The following FHIT variants were observed in gnomAD, a reference collection of about 807,000 sequenced individuals.
The protein encoded by FHIT is bis(5'-adenosyl)-triphosphatase.
FHIT carries 19 observed loss-of-function variants against 17.9 expected under a neutral mutation model. The ratio of observed to expected loss-of-function variants is 1.06; its 90% CI spans 0.74 to 1.56. The LOEUF (loss-of-function observed/expected upper bound fraction) is 1.56, where lower values mean the gene tolerates loss of function less well. FHIT is among the 40% of genes most tolerant of loss of function. The pLI is 0.00. For missense variants in FHIT, 248 were observed against 189.2 expected (o/e 1.31, Z -1.82); for synonymous variants, 81 against 69.7 (o/e 1.16, Z -0.81).
At chr3:59,938,252 C>A (rs2107257300) in intron 7 of FHIT, among the ~76,000 whole-genome samples, 1 of 152,244 alleles carries the variant, frequency 6.6e-6, no homozygotes, top group South Asian at 2.1e-4. Context: ...TTTGCACCAA[C>A]AAGGATGAAC....
intron 3 of FHIT, among the ~76,000 whole-genome samples, chr3:60,888,016 G>T (rs1188137303): frequency 6.6e-6 from 1 of 152,128 alleles, no homozygotes; most frequent in Non-Finnish European, 1.5e-5. Context: ...ATCCCTAAAA[G>T]ATTAAATGAT....
intron 5 of FHIT, among the ~76,000 whole-genome samples, chr3:60,405,966 T>C (rs1163372803): frequency 6.6e-6 from 1 of 152,200 alleles, no homozygotes; most frequent in East Asian, 1.9e-4. Context: ...TGTTAAGTGG[T>C]GAGGCTTAAG....
At chr3:61,228,009 C>T (rs1173390670) in intron 1 of FHIT, among the ~76,000 whole-genome samples, 5 of 152,210 alleles carry the variant, frequency 3.3e-5, no homozygotes, top group Non-Finnish European at 5.9e-5. Context: ...ATGACTTTAG[C>T]AGCTGCTCTA....
At chr3:61,082,728 C>G (rs1261199028) in intron 2 of FHIT, among the ~76,000 whole-genome samples, 1 of 152,194 alleles carries the variant, frequency 6.6e-6, no homozygotes, top group Admixed American at 6.5e-5. Context: ...TCATTTTAGT[C>G]ATTCAGATGA....
intron 2 of FHIT, among the ~76,000 whole-genome samples, chr3:61,160,299 A>G (rs1391380915): frequency 6.6e-6 from 1 of 151,652 alleles, no homozygotes; most frequent in Non-Finnish European, 1.5e-5. Flanking sequence ...CCAAGCTTTG[A>G]AAAACGTGCC....
intron 5 of FHIT, among the ~76,000 whole-genome samples, chr3:60,462,333 G>T (rs991267939): frequency 9.2e-5 from 14 of 152,092 alleles, no homozygotes; most frequent in African/African-American, 3.1e-4. Context: ...AGTTGGCAAG[G>T]TTGCTAAGTG....
At chr3:60,348,677 CA>C (rs1427131165) in intron 5 of FHIT, among the ~76,000 whole-genome samples, 1 of 152,184 alleles carries the variant, frequency 6.6e-6, no homozygotes, top group Non-Finnish European at 1.5e-5. Flanking sequence ...ATGTAATTTG[CA>C]ATGTCTTCCC....
chr3:60,169,788 G>A (rs912165680), intron 5 of FHIT, among the ~76,000 whole-genome samples: 7 of 152,114 alleles, frequency 4.6e-5, no homozygotes, highest in African/African-American at 7.2e-5. Context: ...TTGGATCTCC[G>A]AGGCCACCCA....
At chr3:60,425,113 T>C (rs1193033876) in intron 5 of FHIT, among the ~76,000 whole-genome samples, 1 of 151,950 alleles carries the variant, frequency 6.6e-6, no homozygotes, top group Non-Finnish European at 1.5e-5. Flanking sequence ...GGGAGGATGG[T>C]TGCAACACAT....
intron 5 of FHIT, among the ~76,000 whole-genome samples, chr3:60,156,324 TG>T (rs1182659949): frequency 6.6e-6 from 1 of 150,382 alleles, no homozygotes; most frequent in Non-Finnish European, 1.5e-5. Flanking sequence ...CACTCCAGCC[TG>T]GGTGACAGAG....
chr3:61,071,127 T>A (rs1392162337), intron 2 of FHIT, among the ~76,000 whole-genome samples: 1 of 152,180 alleles, frequency 6.6e-6, no homozygotes, highest in Non-Finnish European at 1.5e-5. Flanking sequence ...CATAATGAAC[T>A]CAGCAATCCC....
chr3:60,484,721 A>C (rs774121316), intron 5 of FHIT, among the ~76,000 whole-genome samples: 128 of 152,326 alleles, frequency 8.4e-4, no homozygotes, highest in Non-Finnish European at 1.4e-3. Context: ...AAAACCGTAG[A>C]ACAAAACCTA....
At chr3:59,920,259 G>A (rs970641716) in intron 8 of FHIT, among the ~76,000 whole-genome samples, 3 of 152,162 alleles carry the variant, frequency 2.0e-5, no homozygotes, top group Non-Finnish European at 4.4e-5. Flanking sequence ...ACTTCTGCCT[G>A]TTTCTAGACT....
At chr3:60,699,613 G>T (rs924853630) in intron 4 of FHIT, among the ~76,000 whole-genome samples, 3 of 139,444 alleles carry the variant, frequency 2.2e-5, no homozygotes, top group African/African-American at 3.1e-5. Flanking sequence ...TGGGTGCAGC[G>T]CACCAGCATG....
intron 5 of FHIT, chr3:60,077,656 A>G (rs1703074420): frequency 6.6e-6 from 1 of 150,488 alleles, no homozygotes; most frequent in Non-Finnish European, 1.5e-5. Context: ...CCCAGAGACT[A>G]CAGAATTAAA....
chr3:61,080,861 C>T (rs1308596004), intron 2 of FHIT, among the ~76,000 whole-genome samples: 4 of 152,008 alleles, frequency 2.6e-5, no homozygotes, highest in African/African-American at 9.7e-5. Flanking sequence ...AAAGTTCATG[C>T]CAATTCACAT....
Position 60,418,405 on chromosome 3 carries a change from TATATATATATATATATATATAC to T in FHIT, c.103+118433_103+118454del, listed in dbSNP as rs1280777338. Among the ~76,000 whole-genome samples, 570 of 132,458 alleles carry T rather than the reference TATATATATATATATATATATAC, an allele frequency of 4.3e-3. 61 individuals carry two copies. Among genetic ancestry groups the T allele is most frequent in the East Asian group, 0.016 (74 of 4,634 alleles). The allele number at this position is 132,458 out of a possible 152,430, so 86.9% of individuals were successfully genotyped here. On this transcript the variant is annotated intron_variant, in intron 5 of 9. Coordinates refer to ENST00000492590, the MANE Select transcript of FHIT (RefSeq NM_002012.4). The stretch of plus-strand genomic sequence containing the variant: ...ATATATATATATATATATATATATA[TATATATATATATATATATATAC>T]GTGTATACACACACACCACAGACGA...
chr3:60,886,115 T>C (rs1248284970), intron 3 of FHIT, among the ~76,000 whole-genome samples: 1 of 152,214 alleles, frequency 6.6e-6, no homozygotes, highest in African/African-American at 2.4e-5. Flanking sequence ...TATTTTTAAA[T>C]CATATCCTTA....
intron 7 of FHIT, among the ~76,000 whole-genome samples, chr3:59,942,045 C>A (rs758742259): frequency 2.4e-4 from 36 of 152,190 alleles, no homozygotes; most frequent in African/African-American, 7.0e-4. Flanking sequence ...AATCATCTCA[C>A]GATCTATAGT....
Sources: allele counts gnomAD v4.1 joint callset (sites outside exome capture counted in the v4.1 genomes callset), GRCh38; gene constraint gnomAD v4.1.1; transcripts MANE v1.5; gene names NCBI Gene and HGNC (gene_info 2026-07-23, HGNC 2026-07-21).